Variants in KDM4C observed in about 807,000 individuals in gnomAD.
The protein encoded by KDM4C is lysine-specific demethylase 4C.
KDM4C carries 81 observed loss-of-function variants against 129.3 expected under a neutral mutation model. The ratio of observed to expected loss-of-function variants is 0.63; its 90% confidence interval spans 0.52 to 0.75. KDM4C has a LOEUF of 0.75. Ranked by LOEUF, KDM4C falls within the 30% of genes least tolerant of loss-of-function variation. KDM4C has a pLI of 0.00. For synonymous variants in KDM4C, 573 were observed against 456.1 expected (o/e 1.26, Z -3.26); for missense variants, 1,457 against 1,304.0 (o/e 1.12, Z -1.81).
chr9:6,891,150 G>T (rs774872399), intron 7 of KDM4C, among the ~76,000 whole-genome samples: 1 of 152,218 alleles, frequency 6.6e-6, no homozygotes, highest in Non-Finnish European at 1.5e-5. Context: ...ATGGGCAGGG[G>T]ATGGTCTAGG....
chr9:7,155,635 G>T (rs1843090840), intron 19 of KDM4C, among the ~76,000 whole-genome samples: 1 of 152,110 alleles, frequency 6.6e-6, no homozygotes, highest in African/African-American at 2.4e-5. Flanking sequence ...GCGATAGTTT[G>T]CTGAGAATGA....
At chr9:7,056,638 T>C (rs534806815) in intron 17 of KDM4C, among the ~76,000 whole-genome samples, 9 of 152,342 alleles carry the variant, frequency 5.9e-5, no homozygotes, top group African/African-American at 2.2e-4. Flanking sequence ...CAAAAGGAAA[T>C]TGACTGGAGC....
At chr9:6,748,173 A>C (rs1457721603) in intron 1 of KDM4C, among the ~76,000 whole-genome samples, 1 of 147,036 alleles carries the variant, frequency 6.8e-6, no homozygotes, top group Non-Finnish European at 1.5e-5. Flanking sequence ...CTCAAAAAAA[A>C]AACAAACAAA....
At chr9:7,007,049 C>G (rs1230297804) in intron 12 of KDM4C, among the ~76,000 whole-genome samples, 1 of 152,154 alleles carries the variant, frequency 6.6e-6, no homozygotes, top group Non-Finnish European at 1.5e-5. Flanking sequence ...GTACATTGAT[C>G]CAAGTTAGTA....
intron 15 of KDM4C, among the ~76,000 whole-genome samples, chr9:7,038,145 A>C (rs1719840546): frequency 6.6e-6 from 1 of 152,092 alleles, no homozygotes; most frequent in South Asian, 2.1e-4. Flanking sequence ...TAGAAAAAAG[A>C]TATAAATACC....
intron 16 of KDM4C, among the ~76,000 whole-genome samples, chr9:7,048,156 A>T (rs765831622): frequency 6.6e-6 from 1 of 152,098 alleles, no homozygotes; most frequent in African/African-American, 2.4e-5. Context: ...GAGATGGTTT[A>T]GGTGGTTCCT....
At chr9:6,868,874 A>G (rs1842442183) in intron 5 of KDM4C, among the ~76,000 whole-genome samples, 1 of 151,820 alleles carries the variant, frequency 6.6e-6, no homozygotes, top group Admixed American at 6.6e-5. Flanking sequence ...AATTTAGAAT[A>G]CCTTTTTTCT....
chr9:7,068,739 C>T (rs971958573), intron 17 of KDM4C, among the ~76,000 whole-genome samples: 3 of 136,750 alleles, frequency 2.2e-5, no homozygotes, highest in Admixed American at 7.8e-5. Flanking sequence ...TCTTGTCGCC[C>T]AGGCTGGAGT....
chr9:7,120,233 C>G (rs1839351527), intron 18 of KDM4C, among the ~76,000 whole-genome samples: 1 of 151,750 alleles, frequency 6.6e-6, no homozygotes, highest in South Asian at 2.1e-4. Flanking sequence ...TGTTGTTGTG[C>G]CTTTGATGAA....
At chr9:6,801,076 A>G (rs954262640) in intron 2 of KDM4C, among the ~76,000 whole-genome samples, 6 of 152,130 alleles carry the variant, frequency 3.9e-5, no homozygotes, top group African/African-American at 1.4e-4. Context: ...TAAGCTGTAT[A>G]GCACTGGCCA....
chr9:7,028,883 C>A (rs538734216), intron 15 of KDM4C, among the ~76,000 whole-genome samples: 1 of 151,984 alleles, frequency 6.6e-6, no homozygotes, highest in Non-Finnish European at 1.5e-5. Context: ...TTTCTGTGCT[C>A]TCCTGTGCCA....
At chr9:7,084,349 C>A (rs905565700) in intron 17 of KDM4C, among the ~76,000 whole-genome samples, 1 of 152,204 alleles carries the variant, frequency 6.6e-6, no homozygotes, top group African/African-American at 2.4e-5. Flanking sequence ...CAAGATTCAA[C>A]ATGAGCAAGA....
At chr9:6,963,201 A>T (rs1037458595) in intron 8 of KDM4C, among the ~76,000 whole-genome samples, 4 of 152,256 alleles carry the variant, frequency 2.6e-5, no homozygotes, top group Admixed American at 2.6e-4. Flanking sequence ...TAAAGTGATT[A>T]AAAAAGTGAT....
intron 5 of KDM4C, among the ~76,000 whole-genome samples, chr9:6,864,539 C>T (rs934144899): frequency 3.2e-4 from 48 of 150,504 alleles, no homozygotes; most frequent in African/African-American, 9.5e-4. Context: ...GGTGTGATCT[C>T]GGCTCACAGT....
chr9:7,169,945 C>G (rs763095905), intron 21 of KDM4C, 55 bp downstream of exon 21: 2 of 1,610,712 alleles, frequency 1.2e-6, no homozygotes, highest in Non-Finnish European at 1.7e-6. Context: ...CTTGTCCTCA[C>G]CTCATGTTTC....
intron 18 of KDM4C, among the ~76,000 whole-genome samples, chr9:7,110,565 G>A (rs749147659): frequency 1.3e-5 from 2 of 152,036 alleles, no homozygotes; most frequent in African/African-American, 4.8e-5. Context: ...GGTATGGGTT[G>A]GGCCTACCAC....
At chr9:6,903,602 A>G (rs1394439189) in intron 8 of KDM4C, among the ~76,000 whole-genome samples, 2 of 152,226 alleles carry the variant, frequency 1.3e-5, no homozygotes, top group Non-Finnish European at 2.9e-5. Flanking sequence ...CAGTTTTATC[A>G]GTGAAAATAG....
intron 1 of KDM4C, among the ~76,000 whole-genome samples, chr9:6,778,628 G>T (rs556583277): frequency 6.6e-6 from 1 of 151,670 alleles, no homozygotes; most frequent in African/African-American, 2.4e-5. Context: ...TTAGCGGGGC[G>T]TGGTGGCACA....
intron 8 of KDM4C, among the ~76,000 whole-genome samples, chr9:6,975,655 G>C (rs1160619663): frequency 1.3e-5 from 2 of 152,196 alleles, no homozygotes; most frequent in African/African-American, 4.8e-5. Flanking sequence ...GACAGACACT[G>C]TGTGTAGCTC....
Sources: allele counts gnomAD v4.1 joint callset (sites outside exome capture counted in the v4.1 genomes callset), GRCh38; gene constraint gnomAD v4.1.1; transcripts MANE v1.5; gene names NCBI Gene and HGNC (gene_info 2026-07-23, HGNC 2026-07-21).